The following CRADD variants were observed in gnomAD, a reference collection of about 807,000 sequenced individuals.
The protein encoded by CRADD is death domain-containing protein CRADD.
In CRADD, 9 loss-of-function variants were observed where a neutral mutation model predicts 15.5. The observed-to-expected ratio is 0.58, with a 90% CI of 0.35 to 1.01. The LOEUF (loss-of-function observed/expected upper bound fraction) is 1.01, where lower values mean the gene tolerates loss of function less well. Ranked by LOEUF, CRADD falls within the 50% of genes least tolerant of loss-of-function variation. CRADD has a pLI of 0.02. For synonymous variants in CRADD, 118 were observed against 107.6 expected (o/e 1.10, Z -0.60); for missense variants, 227 against 250.3 (o/e 0.91, Z 0.63).
intron 2 of CRADD, among the ~76,000 whole-genome samples, chr12:93,745,375 C>A (rs1956733920): frequency 6.6e-6 from 1 of 152,122 alleles, no homozygotes; most frequent in East Asian, 1.9e-4. Context: ...AAATGTTTGG[C>A]TTTTAGGGGA....
intron 2 of CRADD, chr12:93,859,251 G>T: frequency 2.3e-6 from 1 of 442,622 alleles, no homozygotes; most frequent in Non-Finnish European, 4.5e-6. Context: ...GTTTTAAATT[G>T]TTTTTTAAAA....
chr12:93,886,352 G>A (rs571627593), intron 2 of CRADD, among the ~76,000 whole-genome samples: 3 of 151,460 alleles, frequency 2.0e-5, no homozygotes, highest in African/African-American at 7.3e-5. Flanking sequence ...GTAGAAATGG[G>A]GTTTTGCCAT....
At chr12:93,681,318 A>C (rs1273593967) in intron 2 of CRADD, among the ~76,000 whole-genome samples, 1 of 152,244 alleles carries the variant, frequency 6.6e-6, no homozygotes, top group African/African-American at 2.4e-5. Context: ...AGCAGTACAT[A>C]ATGGGAAAAA....
intron 2 of CRADD, among the ~76,000 whole-genome samples, chr12:93,682,202 G>A (rs1008753721): frequency 1.3e-5 from 2 of 152,262 alleles, no homozygotes; most frequent in Middle Eastern, 3.4e-3. Context: ...AGACCTCGGT[G>A]CTTCTCCAGT....
chr12:93,678,909 T>C lies in CRADD; in HGVS notation c.135T>C (p.Asn45=). ...CGGAAAACCATATTCAAGAAATCAA[T>C]GCTCAAACCACAGGCCTCCGGAAAA... ...ILTENHIQEI[N]AQTTGLRKTM... is the part of the protein sequence containing the mutation. Residue 45 remains asparagine (N), a synonymous_variant, in exon 2 of 3, where the codon AAT becomes AAC. Transcript: ENST00000332896. 6.2e-7 allele frequency: 1 copy of C among 1,614,182 alleles called. No individual in the cohort carries two copies. Among genetic ancestry groups the C allele is most frequent in the Non-Finnish European group, 8.5e-7 (1 of 1,180,034 alleles).
intron 2 of CRADD, among the ~76,000 whole-genome samples, chr12:93,732,454 C>G (rs1956483350): frequency 6.6e-6 from 1 of 152,114 alleles, no homozygotes; most frequent in Non-Finnish European, 1.5e-5. Context: ...CAGAACAAGG[C>G]AACATCTCAG....
At chr12:93,761,996 A>G (rs998759667) in intron 2 of CRADD, among the ~76,000 whole-genome samples, 2 of 152,164 alleles carry the variant, frequency 1.3e-5, no homozygotes, top group Non-Finnish European at 2.9e-5. Flanking sequence ...TTTCCTTCCA[A>G]CCTTAAAGGA....
At chr12:93,768,813 C>G (rs569651258) in intron 2 of CRADD, among the ~76,000 whole-genome samples, 2 of 152,180 alleles carry the variant, frequency 1.3e-5, no homozygotes, top group South Asian at 4.2e-4. Flanking sequence ...TTCCCAGTAC[C>G]CCCAGAAGCC....
rs564407219 is a variant in CRADD, at chr12:93,882,420, CAAAAA to C, written c.299-11615_299-11611del. Among the ~76,000 whole-genome samples, 502 of 65,670 alleles carry C rather than the reference CAAAAA, an allele frequency of 7.6e-3. 4 individuals carry two copies. The highest frequency in any genetic ancestry group is 0.013 in the Non-Finnish European group (394 of 30,082). 43.1% of individuals were successfully genotyped at this position (65,670 alleles called of 152,430 possible). On this transcript the variant is annotated intron_variant, in intron 2 of 2. Coordinates refer to the CRADD transcript ENST00000548483. ...AGGGCGACAGAGCGAGACTCTGTCT[CAAAAA>C]AAAAAAAAAAAAAACGGAAAAGAAA...
intron 2 of CRADD, among the ~76,000 whole-genome samples, chr12:93,782,578 C>T (rs974834977): frequency 8.9e-5 from 13 of 146,736 alleles, no homozygotes; most frequent in South Asian, 6.4e-4. Context: ...TGGGCAACAG[C>T]GAGACTCCGT....
At chr12:93,859,015 C>T (rs187221699) in intron 2 of CRADD, among the ~76,000 whole-genome samples, 20 of 152,292 alleles carry the variant, frequency 1.3e-4, no homozygotes, top group South Asian at 8.3e-4. Flanking sequence ...TCTGGGTCTT[C>T]GTTCTGAAGG....
intron 2 of CRADD, among the ~76,000 whole-genome samples, chr12:93,800,259 G>A (rs1222133827): frequency 6.6e-6 from 1 of 152,148 alleles, no homozygotes; most frequent in Non-Finnish European, 1.5e-5. Flanking sequence ...GTCAGTGTTG[G>A]AATGTCCAAG....
chr12:93,889,609 C>T (rs1958562448), intron 2 of CRADD, among the ~76,000 whole-genome samples: 1 of 152,176 alleles, frequency 6.6e-6, no homozygotes, highest in Non-Finnish European at 1.5e-5. Flanking sequence ...GGCCGTGGCT[C>T]CATGGCTCCC....
At chr12:93,802,029 C>T (rs1196301538) in intron 2 of CRADD, among the ~76,000 whole-genome samples, 2 of 152,190 alleles carry the variant, frequency 1.3e-5, no homozygotes, top group African/African-American at 2.4e-5. Context: ...TTATTTCATT[C>T]CTTTTTATGG....
At chr12:93,683,396 C>T (rs1220997488) in intron 2 of CRADD, among the ~76,000 whole-genome samples, 2 of 152,214 alleles carry the variant, frequency 1.3e-5, no homozygotes, top group Non-Finnish European at 2.9e-5. Flanking sequence ...TTTATGTATT[C>T]TTAGCCATGG....
chr12:93,746,366 C>G (rs1429688756), intron 2 of CRADD, among the ~76,000 whole-genome samples: 6 of 152,172 alleles, frequency 3.9e-5, no homozygotes, highest in Non-Finnish European at 8.8e-5. Flanking sequence ...TCTAATATTA[C>G]CTCTCTTTTC....
At chr12:93,785,969 T>C (rs950156720) in intron 2 of CRADD, among the ~76,000 whole-genome samples, 1 of 152,118 alleles carries the variant, frequency 6.6e-6, no homozygotes, top group African/African-American at 2.4e-5. Flanking sequence ...ACAGGACTGG[T>C]GGAGCATTAG....
At chr12:93,749,535 CTCCAGCCT>C (rs1956807417) in intron 2 of CRADD, among the ~76,000 whole-genome samples, 1 of 151,268 alleles carries the variant, frequency 6.6e-6, no homozygotes. Context: ...TTCAGTGATA[CTCCAGCCT>C]TTCCCTTGTT....
At chr12:93,868,224 C>T (rs958722762) in intron 2 of CRADD, among the ~76,000 whole-genome samples, 1 of 152,060 alleles carries the variant, frequency 6.6e-6, no homozygotes, top group Non-Finnish European at 1.5e-5. Context: ...CTTGTAATAA[C>T]GAAAACTGAA....
Sources: allele counts gnomAD v4.1 joint callset (sites outside exome capture counted in the v4.1 genomes callset), GRCh38; gene constraint gnomAD v4.1.1; transcripts MANE v1.5; gene names NCBI Gene and HGNC (gene_info 2026-07-23, HGNC 2026-07-21).